ESR1: variants seen among roughly 807,000 people sequenced by gnomAD.
ESR1 encodes estrogen receptor.
In ESR1, 12 loss-of-function variants were observed where a neutral mutation model predicts 52.7. The ratio of observed to expected loss-of-function variants is 0.23; its 90% CI spans 0.15 to 0.37. ESR1 has a LOEUF of 0.37. Ranked by LOEUF, ESR1 falls within the 10% of genes least tolerant of loss-of-function variation. The pLI, the probability that ESR1 is intolerant of heterozygous loss-of-function variation, is 1.00. For synonymous variants in ESR1, 305 were observed against 316.8 expected, an observed-to-expected ratio of 0.96 and a Z score of 0.39; for missense variants, 584 against 779.7, an observed-to-expected ratio of 0.75 and a Z score of 2.99.
chr6:151,952,176 A>G (rs1434519125), intron 4 of ESR1, among the ~76,000 whole-genome samples: 1 of 152,210 alleles, frequency 6.6e-6, no homozygotes, highest in Non-Finnish European at 1.5e-5. Flanking sequence ...TGGCATTAGG[A>G]CTTTATTATC....
chr6:151,859,831 T>C (rs1358710373), intron 2 of ESR1, among the ~76,000 whole-genome samples: 1 of 152,184 alleles, frequency 6.6e-6, no homozygotes, highest in Non-Finnish European at 1.5e-5. Flanking sequence ...AGCCAATCAC[T>C]ACCTCCCTCC....
At chr6:151,726,183 A>G (rs1014510035) in intron 2 of ESR1, among the ~76,000 whole-genome samples, 1 of 152,202 alleles carries the variant, frequency 6.6e-6, no homozygotes, top group Non-Finnish European at 1.5e-5. Flanking sequence ...TTTACAATCC[A>G]TGACTAGGAT....
At chr6:152,082,761 A>G (rs1352493084) in intron 6 of ESR1, among the ~76,000 whole-genome samples, 1 of 152,250 alleles carries the variant, frequency 6.6e-6, no homozygotes, top group Non-Finnish European at 1.5e-5. Flanking sequence ...CAACTTCAGC[A>G]AAGTCTCAGG....
intron 5 of ESR1, among the ~76,000 whole-genome samples, chr6:152,029,143 G>A (rs1230223333): frequency 5.9e-5 from 9 of 152,176 alleles, no homozygotes; most frequent in East Asian, 1.9e-4. Context: ...CCATCTGTAC[G>A]TCACCATCAT....
At position 152,100,868 on chromosome 6, in the gene ESR1, CTGTT is replaced by C; in HGVS notation, c.*1908_*1911del. The C allele has an allele frequency of 4.4e-6, 1 of 225,788 alleles. No homozygotes were observed. Among genetic ancestry groups the C allele is most frequent in the Non-Finnish European group, 8.8e-6 (1 of 113,708 alleles). The allele number at this position is 225,788 out of a possible 1,614,324, so 14.0% of individuals were successfully genotyped here. A position where few individuals can be genotyped will look rare whatever the true frequency, so the allele number is the denominator to read the frequency against. On this transcript the variant is annotated 3_prime_UTR_variant, in exon 8 of 8. Transcript: ENST00000206249. ...GTTTAAGAACATAATTCTTTTGTTG[CTGTT>C]TGTTTAAGAAGCACCTTAGTTTGTT...
chr6:151,730,851 G>A (rs953731760), intron 2 of ESR1, among the ~76,000 whole-genome samples: 2 of 152,066 alleles, frequency 1.3e-5, no homozygotes, highest in Admixed American at 1.3e-4. Context: ...GACCACTTTT[G>A]CATGATTTTT....
intron 2 of ESR1, among the ~76,000 whole-genome samples, chr6:151,788,407 A>T (rs923817076): frequency 6.6e-6 from 1 of 152,244 alleles, no homozygotes; most frequent in African/African-American, 2.4e-5. Context: ...ATGAGATACC[A>T]TCTCACACCA....
At position 151,870,422 on chromosome 6, in the gene ESR1, A is replaced by G. The variant is rs1265484310; in HGVS notation, c.644-10233A>G. On this transcript the variant is annotated intron_variant, in intron 2 of 7. Transcript: ENST00000206249. ...AATTCCATCAGGGAATAATATTTTT[A>G]TTATAGTTTAAAATATAACTTAATA... is the stretch of plus-strand genomic sequence containing the variant. Among the ~76,000 whole-genome samples the G allele has an allele frequency of 2.0e-5, 3 of 152,152 alleles. No individual in the cohort carries two copies. In the East Asian group the frequency reaches 5.8e-4, roughly 29 times the overall value.
chr6:151,764,763 T>C (rs1784918407), intron 2 of ESR1, among the ~76,000 whole-genome samples: 1 of 152,244 alleles, frequency 6.6e-6, no homozygotes, highest in Non-Finnish European at 1.5e-5. Context: ...CTAAAAATTA[T>C]GTTACATTTA....
At chr6:151,768,376 C>T (rs1785234569) in intron 2 of ESR1, among the ~76,000 whole-genome samples, 1 of 152,152 alleles carries the variant, frequency 6.6e-6, no homozygotes, top group South Asian at 2.1e-4. Context: ...AAATAGCTGG[C>T]TAGAACTCTT....
rs2128334287 is a variant in ESR1 at position 151,880,790 on chromosome 6, G to A, written c.760+19G>A. On this transcript the variant is annotated intron_variant, in intron 3 of 7. Coordinates refer to ENST00000206249, the MANE Select transcript of ESR1 (RefSeq NM_000125.4). ...AAAGGTGGTAGGTACATCTCTCCCA[G>A]GGGCCCTTGGGGATGGCCCTGGCCA... is the stretch of plus-strand genomic sequence containing the variant. 1 of 1,326,078 alleles carries A rather than the reference G, an allele frequency of 7.5e-7. No homozygotes were observed. Among genetic ancestry groups the A allele is most frequent in the Non-Finnish European group, 1.1e-6 (1 of 917,378 alleles). The allele number at this position is 1,326,078 out of a possible 1,614,324, so 82.1% of individuals were successfully genotyped here.
intron 1 of ESR1, among the ~76,000 whole-genome samples, chr6:151,700,424 A>G (rs1779683016): frequency 6.6e-6 from 1 of 152,202 alleles, no homozygotes; most frequent in Admixed American, 6.5e-5. Context: ...AGAACATAGC[A>G]ATGAAATATA....
chr6:152,110,877 G>A lies in ESR1; in HGVS notation c.851-14389G>A, dbSNP rs1443436143. Among the ~76,000 whole-genome samples the A allele has an allele frequency of 2.6e-5, 4 of 152,040 alleles. No homozygotes were observed. The East Asian group carries it at 7.7e-4, about 29-fold the overall frequency. On this transcript the variant is annotated intron_variant, in intron 6 of 6. Transcript: ENST00000427531. ...TTGTCTTTCTGGTGGGCAGCCGTTG[G>A]GTAGGGAAGCTTGAGGAGCACTTCC...
upstream of ESR1, among the ~76,000 whole-genome samples, chr6:151,686,476 C>G (rs57040689): frequency 0.25 from 37,626 of 152,062 alleles, 7,008 homozygotes; most frequent in East Asian, 0.69. Flanking sequence ...ACGAGGTCAG[C>G]AGATCGAGAC....
At position 152,072,404 on chromosome 6, in the gene ESR1, G is replaced by A. The variant is rs3798574; in HGVS notation, c.1369+11280G>A. Among the ~76,000 whole-genome samples, 17 of 152,216 alleles carry A rather than the reference G, an allele frequency of 1.1e-4. No homozygotes were observed. In the East Asian group the frequency reaches 3.1e-3, roughly 28 times the overall value. On this transcript the variant is annotated intron_variant, in intron 6 of 7. Coordinates refer to ENST00000206249, the MANE Select transcript of ESR1 (RefSeq NM_000125.4). ...AGAGGAGGGTTGATTTGTTGTGAGT[G>A]TATCTCTCTTTAAAAACTTTTCTAG...
intron 4 of ESR1, among the ~76,000 whole-genome samples, chr6:152,007,411 T>C (rs753494266): frequency 1.4e-4 from 21 of 151,970 alleles, no homozygotes; most frequent in Non-Finnish European, 2.6e-4. Context: ...TGAGCTGATT[T>C]ATGATGGAGG....
intron 2 of ESR1, among the ~76,000 whole-genome samples, chr6:151,850,057 TAA>T (rs1786183706): frequency 8.3e-6 from 1 of 120,118 alleles, no homozygotes; most frequent in Non-Finnish European, 1.7e-5. Flanking sequence ...TATATATATA[TAA>T]TTTTATATAT....
At chr6:151,898,662 T>TC (rs1795948934) in intron 3 of ESR1, among the ~76,000 whole-genome samples, 1 of 152,156 alleles carries the variant, frequency 6.6e-6, no homozygotes, top group Non-Finnish European at 1.5e-5. Flanking sequence ...CCGCCCTTAA[T>TC]CCATTCAACC....
chr6:151,680,260 G>A (rs1416827467), intron 1 of ESR1, among the ~76,000 whole-genome samples: 1 of 146,538 alleles, frequency 6.8e-6, no homozygotes, highest in Admixed American at 7.0e-5. Flanking sequence ...CTGGAATGCA[G>A]TGGTGCCATC....
Sources: allele counts gnomAD v4.1 joint callset (sites outside exome capture counted in the v4.1 genomes callset), GRCh38; gene constraint gnomAD v4.1.1; transcripts MANE v1.5; gene names NCBI Gene and HGNC (gene_info 2026-07-23, HGNC 2026-07-21).